MACROD2: variants seen among roughly 807,000 people sequenced by gnomAD.
MACROD2 encodes ADP-ribose glycohydrolase MACROD2.
MACROD2 carries 36 observed loss-of-function variants against 70.4 expected under a neutral mutation model. The ratio of observed to expected loss-of-function variants is 0.51; its 90% CI spans 0.39 to 0.68. MACROD2 has a LOEUF of 0.68. Ranked by LOEUF, MACROD2 falls within the 30% of genes least tolerant of loss-of-function variation. The pLI, the probability that MACROD2 is intolerant of heterozygous loss-of-function variation, is 0.00. For synonymous variants in MACROD2, 172 were observed against 178.8 expected, an observed-to-expected ratio of 0.96 and a Z score of 0.30; for missense variants, 496 against 538.4, an observed-to-expected ratio of 0.92 and a Z score of 0.78.
At chr20:14,311,301 A>T (rs1186407676) in intron 3 of MACROD2, among the ~76,000 whole-genome samples, 3 of 152,132 alleles carry the variant, frequency 2.0e-5, no homozygotes, top group Non-Finnish European at 4.4e-5. Flanking sequence ...CACAAATACC[A>T]CTGTGTTACA....
chr20:14,718,210 T>C (rs530882445), intron 5 of MACROD2, among the ~76,000 whole-genome samples: 4 of 139,970 alleles, frequency 2.9e-5, no homozygotes, highest in African/African-American at 1.1e-4. Flanking sequence ...GGAGAATTGC[T>C]TGAATCCAGG....
chr20:15,699,128 T>C (rs2050418336), intron 8 of MACROD2, among the ~76,000 whole-genome samples: 1 of 152,128 alleles, frequency 6.6e-6, no homozygotes, highest in Non-Finnish European at 1.5e-5. Context: ...TGAACTAGTG[T>C]GATTTACTGG....
intron 8 of MACROD2, among the ~76,000 whole-genome samples, chr20:15,581,204 A>G (rs769599748): frequency 6.6e-6 from 1 of 152,224 alleles, no homozygotes; most frequent in Non-Finnish European, 1.5e-5. Context: ...TGGAAACACC[A>G]TATTATAAGA....
intron 5 of MACROD2, among the ~76,000 whole-genome samples, chr20:15,056,460 G>C (rs2075486678): frequency 6.6e-6 from 1 of 152,108 alleles, no homozygotes; most frequent in Non-Finnish European, 1.5e-5. Flanking sequence ...CCTTGCAGCT[G>C]ACCATGGTCA....
intron 5 of MACROD2, among the ~76,000 whole-genome samples, chr20:15,054,966 T>TTTTTTGGGGGG (rs2075472421): frequency 6.7e-6 from 1 of 149,646 alleles, no homozygotes; most frequent in Admixed American, 6.7e-5. Context: ...TTTTTTTTTT[T>TTTTTTGGGGGG]GAGATGGAGT....
At chr20:14,289,649 C>T (rs754812966) in intron 3 of MACROD2, among the ~76,000 whole-genome samples, 2 of 152,148 alleles carry the variant, frequency 1.3e-5, no homozygotes, top group Non-Finnish European at 2.9e-5. Context: ...TAAGGTGAAC[C>T]TCCCACCTCA....
intron 8 of MACROD2, among the ~76,000 whole-genome samples, chr20:15,649,313 A>G (rs747740547): frequency 3.3e-5 from 5 of 150,678 alleles, no homozygotes; most frequent in Non-Finnish European, 5.9e-5. Context: ...TGTTGCACAT[A>G]CTGACTTGTA....
At chr20:14,230,711 T>C (rs535917415) in intron 3 of MACROD2, among the ~76,000 whole-genome samples, 10 of 121,484 alleles carry the variant, frequency 8.2e-5, no homozygotes, top group Non-Finnish European at 1.5e-4. Context: ...GGGCCCAGCC[T>C]ATGTTATAAT....
intron 13 of MACROD2, among the ~76,000 whole-genome samples, chr20:15,986,325 A>G (rs11700271): frequency 0.12 from 18,992 of 152,190 alleles, 1,565 homozygotes; most frequent in Middle Eastern, 0.2. Flanking sequence ...ATGAAAGTGC[A>G]AGTAGTGTTT....
intron 3 of MACROD2, among the ~76,000 whole-genome samples, chr20:14,258,635 C>T (rs1004734277): frequency 2.0e-5 from 3 of 152,024 alleles, no homozygotes; most frequent in Non-Finnish European, 2.9e-5. Flanking sequence ...GCATAGCTTG[C>T]GAATATTTTC....
chr20:15,907,226 A>T (rs907635002), intron 10 of MACROD2, among the ~76,000 whole-genome samples: 2 of 152,110 alleles, frequency 1.3e-5, no homozygotes, highest in African/African-American at 4.8e-5. Flanking sequence ...ACAATTTGAG[A>T]TATGTTATTT....
At chr20:14,903,737 T>C (rs1028985122) in intron 5 of MACROD2, among the ~76,000 whole-genome samples, 2 of 152,012 alleles carry the variant, frequency 1.3e-5, no homozygotes, top group African/African-American at 4.8e-5. Flanking sequence ...CTAGCGTAGG[T>C]AACTGTTCCC....
At chr20:15,574,014 C>CT (rs2048410948) in intron 8 of MACROD2, among the ~76,000 whole-genome samples, 1 of 152,122 alleles carries the variant, frequency 6.6e-6, no homozygotes, top group African/African-American at 2.4e-5. Flanking sequence ...CACCTTAGAC[C>CT]TTGGTCCAGC....
Position 15,786,648 on chromosome 20 carries a change from T to G in MACROD2, c.646-76097T>G, listed in dbSNP as rs151124335. Reference sequence around the variant, plus strand: ...CAAGAACTGAGGGACGAGAGTAGACTTGCCCCATTTTTGGTGTGAAGGGCA... The same window carrying G: ...CAAGAACTGAGGGACGAGAGTAGACGTGCCCCATTTTTGGTGTGAAGGGCA... On this transcript the variant is annotated intron_variant, in intron 8 of 17. Coordinates refer to ENST00000684519, the MANE Select transcript of MACROD2 (RefSeq NM_001351661.2). Among the ~76,000 whole-genome samples, 722 of 152,310 alleles carry G rather than the reference T, an allele frequency of 4.7e-3. 9 individuals are homozygous for G. The highest frequency in any genetic ancestry group is 0.016 in the African/African-American group (675 of 41,564).
chr20:14,927,604 T>C (rs905142377), intron 5 of MACROD2, among the ~76,000 whole-genome samples: 14 of 152,208 alleles, frequency 9.2e-5, no homozygotes, highest in Non-Finnish European at 2.9e-5. Flanking sequence ...GGCTCCACAT[T>C]CATTACAGGC....
chr20:15,779,787 A>G (rs1039049634), intron 8 of MACROD2, among the ~76,000 whole-genome samples: 2 of 152,128 alleles, frequency 1.3e-5, no homozygotes, highest in Non-Finnish European at 2.9e-5. Context: ...ATTATTGTAG[A>G]AAACACAACC....
At chr20:15,582,084 T>C (rs563096889) in intron 8 of MACROD2, among the ~76,000 whole-genome samples, 1 of 151,510 alleles carries the variant, frequency 6.6e-6, no homozygotes, top group Non-Finnish European at 1.5e-5. Flanking sequence ...ATCATGCCAC[T>C]GCACTCCAGC....
At chr20:15,695,258 AC>A (rs1388430941) in intron 8 of MACROD2, among the ~76,000 whole-genome samples, 1 of 152,142 alleles carries the variant, frequency 6.6e-6, no homozygotes, top group Non-Finnish European at 1.5e-5. Context: ...GTGAAGAATA[AC>A]AGTGGTATTC....
At chr20:14,230,789 T>C (rs1457067800) in intron 3 of MACROD2, among the ~76,000 whole-genome samples, 1 of 148,986 alleles carries the variant, frequency 6.7e-6, no homozygotes, top group Non-Finnish European at 1.5e-5. Context: ...TTTAAGAAGG[T>C]TTAGAATTAC....
Sources: gnomAD v4.1 joint callset for allele counts (sites outside exome capture counted in the v4.1 genomes callset) on GRCh38, gnomAD v4.1.1 for gene constraint, MANE v1.5 for transcripts, NCBI Gene and HGNC (gene_info 2026-07-23, HGNC 2026-07-21) for gene names.